The following BTBD8 variants were observed in gnomAD, a reference collection of about 807,000 sequenced individuals.
BTBD8 encodes BTB/POZ domain-containing protein 8.
Under a neutral mutation model 162.9 loss-of-function variants are expected in BTBD8, and 110 were observed. The observed-to-expected ratio is 0.68, with a 90% CI of 0.58 to 0.79. The LOEUF is 0.79. BTBD8 is among the 30% of genes least tolerant of loss of function. BTBD8 has a pLI of 0.00. For synonymous variants in BTBD8, 667 were observed against 716.1 expected (o/e 0.93, Z 1.10); for missense variants, 1,905 against 2,085.4 (o/e 0.91, Z 1.68).
chr1:92,167,814 A>G (rs1335587654), intron 10 of BTBD8, 34 bp from the exon 11 acceptor site: 3 of 1,516,050 alleles, frequency 2.0e-6, no homozygotes, highest in Non-Finnish European at 2.7e-6. Context: ...TTTTATATGT[A>G]TTCCTCTTAA....
rs1242781791 is a variant in BTBD8, at chr1:92,150,595, T to C, written c.1122+2809T>C. On this transcript the variant is annotated intron_variant, in intron 9 of 17. Coordinates refer to ENST00000636805, the MANE Select transcript of BTBD8 (RefSeq NM_001376131.1). ...ATTCATTCATTTTCCAACATGCTTT[T>C]TCTGGTTTCAGTTGTGGGTGGCTGG... The C allele has an allele frequency of 3.3e-5, 5 of 152,252 alleles. No homozygotes were observed. The East Asian group carries it at 9.6e-4, about 29-fold the overall frequency. The allele number at this position is 152,252 out of a possible 1,614,324, so 9.4% of individuals were successfully genotyped here. A position where few individuals can be genotyped will look rare whatever the true frequency, so the allele number is the denominator to read the frequency against.
intron 5 of BTBD8, among the ~76,000 whole-genome samples, chr1:92,135,914 T>C (rs978310469): frequency 3.3e-5 from 5 of 152,218 alleles, no homozygotes; most frequent in African/African-American, 9.6e-5. Context: ...CTGGAAATTC[T>C]GAGGAAAAGT....
At chr1:92,179,301 T>G (rs1244373902) in intron 16 of BTBD8, among the ~76,000 whole-genome samples, 2 of 151,764 alleles carry the variant, frequency 1.3e-5, no homozygotes, top group African/African-American at 4.8e-5. Flanking sequence ...ACAACTATAA[T>G]ACATAAGGAG....
At chr1:92,112,085 G>T (rs529971295) in intron 4 of BTBD8, among the ~76,000 whole-genome samples, 1 of 152,230 alleles carries the variant, frequency 6.6e-6, no homozygotes, top group East Asian at 1.9e-4. Flanking sequence ...GAGTGCTTTG[G>T]GGGGATTAAA....
chr1:92,102,984 G>T (rs1009159964), intron 3 of BTBD8, among the ~76,000 whole-genome samples: 1 of 152,068 alleles, frequency 6.6e-6, no homozygotes, highest in Non-Finnish European at 1.5e-5. Flanking sequence ...AACAAAAATG[G>T]TAGCCTAGTT....
Position 92,181,626 on chromosome 1 carries a change from A to T in BTBD8, c.3943A>T (p.Ser1315Cys), listed in dbSNP as rs1333756098. 1 of 1,550,500 alleles carries T rather than the reference A, an allele frequency of 6.4e-7. No individual in the cohort carries two copies. The highest frequency in any genetic ancestry group is 8.7e-7 in the Non-Finnish European group (1 of 1,146,298). ...STPEELKIYD[S>C]NLRIEVKMKK... ...TCCTGAAGAATTAAAAATTTATGAT[A>T]GTAATTTAAGAATTGAAGTAAAAAT... Residue 1315 changes from serine to cysteine, a missense_variant, in exon 17 of 18, where the codon AGT becomes TGT. Physicochemically the swap from Ser to Cys is moderately radical, Grantham distance 112. Transcript: ENST00000636805.
chr1:92,122,167 G>C (rs1304220062), intron 4 of BTBD8, among the ~76,000 whole-genome samples: 1 of 151,976 alleles, frequency 6.6e-6, no homozygotes, highest in African/African-American at 2.4e-5. Context: ...TTTTATTGCT[G>C]CATAGTATTG....
At chr1:92,131,095 A>G (rs1307247016) in intron 5 of BTBD8, among the ~76,000 whole-genome samples, 1 of 152,236 alleles carries the variant, frequency 6.6e-6, no homozygotes, top group Non-Finnish European at 1.5e-5. Context: ...AGAGGTAGAA[A>G]TCACTGACCT....
chr1:92,141,360 A>T, intron 7 of BTBD8, 149 bp downstream of exon 7: 1 of 899,846 alleles, frequency 1.1e-6, no homozygotes, highest in Non-Finnish European at 1.6e-6. Flanking sequence ...GAAATAATTC[A>T]TATGATCTGC....
intron 2 of BTBD8, among the ~76,000 whole-genome samples, chr1:92,091,341 G>T (rs1376735140): frequency 6.6e-6 from 1 of 152,082 alleles, no homozygotes; most frequent in Non-Finnish European, 1.5e-5. Context: ...ATGCTTCCAT[G>T]CCTTCCTGTA....
At chr1:92,100,901 G>A (rs1648574618) in intron 2 of BTBD8, among the ~76,000 whole-genome samples, 2 of 152,228 alleles carry the variant, frequency 1.3e-5, no homozygotes, top group African/African-American at 4.8e-5. Flanking sequence ...GAGCCACCGC[G>A]CCTGGCTGGC....
rs184907119 is a variant in BTBD8, at chr1:92,170,792, A to G, written c.1574-607A>G. 6.8e-3 allele frequency among the ~76,000 whole-genome samples: 1,036 copies of G among 152,238 alleles called. 9 individuals carry two copies. The highest frequency in any genetic ancestry group is 0.012 in the Non-Finnish European group (796 of 67,972). ...AAATTCTTATTTGAAGAGCATAGAC[A>G]TGAGTTCTGCAATAAATTCCCATAT... On this transcript the variant is annotated intron_variant, in intron 12 of 17. Transcript: ENST00000636805.
chr1:92,170,880 TTTA>T, intron 12 of BTBD8, among the ~76,000 whole-genome samples: 1 of 152,116 alleles, frequency 6.6e-6, no homozygotes, highest in East Asian at 1.9e-4. Context: ...AGATTCTTAT[TTTA>T]TTTTCAGTAG....
At chr1:92,082,328 T>C (rs1375083065) in intron 1 of BTBD8, among the ~76,000 whole-genome samples, 1 of 152,226 alleles carries the variant, frequency 6.6e-6, no homozygotes, top group East Asian at 1.9e-4. Context: ...CAAATACTAA[T>C]GAAGTATCTA....
intron 11 of BTBD8, among the ~76,000 whole-genome samples, chr1:92,168,400 CA>C (rs34893160): frequency 0.62 from 94,671 of 151,698 alleles, 30,060 homozygotes; most frequent in East Asian, 0.96. Flanking sequence ...TTTTTCTCTT[CA>C]AAAAATCATA....
rs142726245 is a variant in BTBD8 at position 92,146,113 on chromosome 1, A to G, written c.931-1067A>G. On this transcript the variant is annotated intron_variant, in intron 7 of 17. Coordinates refer to ENST00000636805, the MANE Select transcript of BTBD8 (RefSeq NM_001376131.1). ...TAGGAAGCAGATTAGACCATGTTGTATTGCAATGTGATGTGCTAGAAATTA... is the reference window on the plus strand; with the variant it reads ...TAGGAAGCAGATTAGACCATGTTGTGTTGCAATGTGATGTGCTAGAAATTA... 3.8e-3 allele frequency among the ~76,000 whole-genome samples: 579 copies of G among 152,328 alleles called. 4 individuals are homozygous for G. The highest frequency in any genetic ancestry group is 0.013 in the African/African-American group (548 of 41,576).
At chr1:92,120,688 G>A (rs12410573) in intron 4 of BTBD8, among the ~76,000 whole-genome samples, 1 of 152,118 alleles carries the variant, frequency 6.6e-6, no homozygotes, top group East Asian at 1.9e-4. Flanking sequence ...GGATTTTTCA[G>A]CTTCATTATA....
At chr1:92,153,660 T>C (rs898621620) in intron 9 of BTBD8, among the ~76,000 whole-genome samples, 10 of 152,348 alleles carry the variant, frequency 6.6e-5, no homozygotes, top group African/African-American at 2.4e-4. Context: ...TCAACATTCA[T>C]CCATGTGGTC....
intron 4 of BTBD8, among the ~76,000 whole-genome samples, chr1:92,111,378 C>A (rs1249680301): frequency 2.0e-5 from 3 of 152,128 alleles, no homozygotes; most frequent in Non-Finnish European, 2.9e-5. Context: ...GATAATATAC[C>A]ATTAGACATT....
Sources: allele counts gnomAD v4.1 joint callset (sites outside exome capture counted in the v4.1 genomes callset), GRCh38; gene constraint gnomAD v4.1.1; transcripts MANE v1.5; gene names NCBI Gene and HGNC (gene_info 2026-07-23, HGNC 2026-07-21).